Variants in PCDH11Y observed in about 807,000 individuals in gnomAD.
The protein encoded by PCDH11Y is protocadherin-11 Y-linked.
For missense variants in PCDH11Y, 12 were observed against 224.8 expected, an observed-to-expected ratio of 0.05 and a Z score of 6.05; for synonymous variants, 9 against 83.6, an observed-to-expected ratio of 0.11 and a Z score of 4.87.
intron 2 of PCDH11Y, among the ~76,000 whole-genome samples, chrY:5,392,151 A>G (rs2053221871): frequency 3.1e-5 from 1 of 32,551 alleles, no homozygotes; most frequent in East Asian, 8.1e-4. Context: ...CGGGCGGATC[A>G]CGAGGTCAGG....
chrY:5,580,721 G>A (rs2053450150), intron 3 of PCDH11Y, among the ~76,000 whole-genome samples: 1 of 32,872 alleles, frequency 3.0e-5, no homozygotes, highest in African/African-American at 1.2e-4. Context: ...ACTTAAAAAT[G>A]TTGTACAATG....
intron 4 of PCDH11Y, among the ~76,000 whole-genome samples, chrY:5,692,384 T>G: frequency 3.0e-5 from 1 of 32,815 alleles, no homozygotes; most frequent in African/African-American, 1.2e-4. Flanking sequence ...GAGGTGACTT[T>G]ACTTTGCCTT....
At chrY:5,016,635 T>C in intron 1 of PCDH11Y, among the ~76,000 whole-genome samples, 1 of 32,610 alleles carries the variant, frequency 3.1e-5, no homozygotes, top group Non-Finnish European at 7.6e-5. Context: ...TTCTTGAATG[T>C]TAGGGACGTC....
chrY:5,454,176 G>A (rs2124683028), intron 2 of PCDH11Y, among the ~76,000 whole-genome samples: 2 of 33,595 alleles, frequency 6.0e-5, no homozygotes, highest in East Asian at 1.6e-3. Flanking sequence ...AGAGAAATCG[G>A]CCAAAGAATG....
intron 2 of PCDH11Y, among the ~76,000 whole-genome samples, chrY:5,397,579 G>A: frequency 3.3e-5 from 1 of 30,691 alleles, no homozygotes; most frequent in African/African-American, 1.3e-4. Context: ...TTTCATAGAT[G>A]TCCTTTATCA....
intron 4 of PCDH11Y, among the ~76,000 whole-genome samples, chrY:5,645,367 C>T: frequency 3.1e-5 from 1 of 32,748 alleles, no homozygotes; most frequent in Non-Finnish European, 7.5e-5. Context: ...TCTTCTACAA[C>T]CTGCAACATA....
intron 4 of PCDH11Y, among the ~76,000 whole-genome samples, chrY:5,679,442 T>G: frequency 6.1e-5 from 2 of 32,799 alleles, no homozygotes; most frequent in Non-Finnish European, 1.5e-4. Context: ...GTTCTGGCAG[T>G]TAGTCATAAA....
chrY:5,027,993 G>A (rs2052581468), intron 1 of PCDH11Y, among the ~76,000 whole-genome samples: 1 of 32,575 alleles, frequency 3.1e-5, no homozygotes, highest in South Asian at 7.2e-4. Context: ...AGACACCCTG[G>A]TTATGGGAAT....
chrY:5,612,448 AT>A (rs2053488483), intron 4 of PCDH11Y, among the ~76,000 whole-genome samples: 5 of 31,006 alleles, frequency 1.6e-4, no homozygotes, highest in East Asian at 8.5e-4. Flanking sequence ...TGCAATGGTA[AT>A]TTTTTTTTTT....
intron 2 of PCDH11Y, among the ~76,000 whole-genome samples, chrY:5,385,542 G>T (rs2053212990): frequency 3.1e-5 from 1 of 32,384 alleles, no homozygotes; most frequent in African/African-American, 1.2e-4. Context: ...TCCACTCGTT[G>T]AGTGATGGGC....
At chrY:5,454,024 G>C in intron 2 of PCDH11Y, among the ~76,000 whole-genome samples, 3 of 32,510 alleles carry the variant, frequency 9.2e-5, no homozygotes, top group Non-Finnish European at 2.3e-4. Context: ...TCTCATTTCA[G>C]CATTAATTCC....
intron 2 of PCDH11Y, among the ~76,000 whole-genome samples, chrY:5,494,841 G>A (rs2053342549): frequency 3.1e-5 from 1 of 32,424 alleles, no homozygotes; most frequent in South Asian, 6.9e-4. Context: ...AAGGTTAGGA[G>A]TTCGAGACCA....
At chrY:5,310,820 A>C in intron 2 of PCDH11Y, among the ~76,000 whole-genome samples, 1 of 32,911 alleles carries the variant, frequency 3.0e-5, no homozygotes, top group Non-Finnish European at 7.5e-5. Flanking sequence ...TAATAAAAAT[A>C]AAATAAAAAT....
intron 2 of PCDH11Y, among the ~76,000 whole-genome samples, chrY:5,287,976 G>A: frequency 1.6e-4 from 5 of 31,976 alleles, no homozygotes; most frequent in Non-Finnish European, 3.8e-4. Context: ...AATTCTTAAA[G>A]TGAGTTTTTA....
intron 2 of PCDH11Y, among the ~76,000 whole-genome samples, chrY:5,146,245 TAG>T (rs2052856805): frequency 6.0e-5 from 2 of 33,598 alleles, no homozygotes; most frequent in East Asian, 1.6e-3. Context: ...CATGGAAAAA[TAG>T]TCTTCCACAA....
chrY:5,550,170 G>A, intron 3 of PCDH11Y, among the ~76,000 whole-genome samples: 1 of 31,888 alleles, frequency 3.1e-5, no homozygotes, highest in Admixed American at 2.9e-4. Context: ...AATGATTGAG[G>A]GGATGGATAC....
At chrY:5,524,503 T>A in intron 3 of PCDH11Y, among the ~76,000 whole-genome samples, 1 of 32,939 alleles carries the variant, frequency 3.0e-5, no homozygotes, top group African/African-American at 1.2e-4. Flanking sequence ...TAAATACACA[T>A]TAACGTTATA....
intron 2 of PCDH11Y, among the ~76,000 whole-genome samples, chrY:5,291,951 T>G: frequency 3.1e-5 from 1 of 32,390 alleles, no homozygotes; most frequent in African/African-American, 1.2e-4. Flanking sequence ...TTTGAGGGTT[T>G]TTATCAGGAA....
At chrY:5,312,272 T>C (rs2053101730) in intron 2 of PCDH11Y, among the ~76,000 whole-genome samples, 16 of 31,686 alleles carry the variant, frequency 5.0e-4, no homozygotes, top group Non-Finnish European at 1.2e-3. Context: ...GACAGGTTTG[T>C]ACGTAATTCA....
Sources: gnomAD v4.1 joint callset for allele counts (sites outside exome capture counted in the v4.1 genomes callset) on GRCh38, gnomAD v4.1.1 for gene constraint, MANE v1.5 for transcripts, NCBI Gene and HGNC (gene_info 2026-07-23, HGNC 2026-07-21) for gene names.